Variants in LOXHD1 observed in about 807,000 individuals in gnomAD.
The protein encoded by LOXHD1 is lipoxygenase homology PLAT domains 1.
Under a neutral mutation model 248.2 loss-of-function variants are expected in LOXHD1, and 205 were observed. That is an observed-to-expected ratio of 0.83 (90% CI 0.74 to 0.93). LOXHD1 has a LOEUF of 0.93. Among genes scored for constraint, LOXHD1 ranks in the 40% least tolerant of loss-of-function variants. The probability of loss-of-function intolerance (pLI) is 0.00; values close to 1 mark genes in which losing one functional copy is unlikely to be tolerated. For synonymous variants in LOXHD1, 1,113 were observed against 1,162.8 expected (o/e 0.96, Z 0.87); for missense variants, 2,930 against 2,971.6 (o/e 0.99, Z 0.33).
At chr18:46,620,734 G>C (rs1316127095) in intron 4 of LOXHD1, among the ~76,000 whole-genome samples, 1 of 152,188 alleles carries the variant, frequency 6.6e-6, no homozygotes, top group East Asian at 1.9e-4. Flanking sequence ...AGAGGATGTG[G>C]AAACGCTAAA....
chr18:46,534,618 G>A (rs1461527418), intron 26 of LOXHD1, among the ~76,000 whole-genome samples, 167 bp from the exon 27 acceptor site: 1 of 152,086 alleles, frequency 6.6e-6, no homozygotes. Context: ...TGACACACAC[G>A]CCATGCTTAT....
At chr18:46,633,322 T>C (rs2038850800) in intron 4 of LOXHD1, among the ~76,000 whole-genome samples, 1 of 152,180 alleles carries the variant, frequency 6.6e-6, no homozygotes, top group African/African-American at 2.4e-5. Flanking sequence ...TAAACTATCA[T>C]ATATATAGTC....
intron 16 of LOXHD1, among the ~76,000 whole-genome samples, chr18:46,568,495 C>A (rs2037687369): frequency 6.6e-6 from 1 of 152,198 alleles, no homozygotes; most frequent in Non-Finnish European, 1.5e-5. Flanking sequence ...CCTAATCCCC[C>A]TTACTGTGCT....
At chr18:46,486,734 A>G (rs966244004) in intron 38 of LOXHD1, among the ~76,000 whole-genome samples, 1 of 152,182 alleles carries the variant, frequency 6.6e-6, no homozygotes, top group Admixed American at 6.5e-5. Flanking sequence ...TATCACCGTG[A>G]TGGACTCAAG....
chr18:46,502,403 A>G (rs1189908977), intron 37 of LOXHD1, among the ~76,000 whole-genome samples: 1 of 152,184 alleles, frequency 6.6e-6, no homozygotes, highest in Non-Finnish European at 1.5e-5. Context: ...TTTGGATAAG[A>G]TGGAGTTGCA....
chr18:46,592,726 TCA>T, intron 10 of LOXHD1, 142 bp from the exon 11 acceptor site: 1 of 694,714 alleles, frequency 1.4e-6, no homozygotes, highest in Non-Finnish European at 2.5e-6. Flanking sequence ...CAAGCCACCC[TCA>T]CATATTTTAT....
intron 7 of LOXHD1, among the ~76,000 whole-genome samples, chr18:46,603,847 C>A: frequency 6.6e-6 from 1 of 152,258 alleles, no homozygotes. Context: ...AGTTCACATT[C>A]TGGCTTCATC....
intron 29 of LOXHD1, among the ~76,000 whole-genome samples, chr18:46,527,308 C>T (rs1388433245): frequency 6.6e-6 from 1 of 152,196 alleles, no homozygotes; most frequent in Non-Finnish European, 1.5e-5. Flanking sequence ...CTGTACATTG[C>T]TGCTTTTACA....
At position 46,542,858 on chromosome 18, in the gene LOXHD1, G is replaced by A; in HGVS notation, c.3620-3C>T. 6.4e-7 allele frequency: 1 copy of A among 1,551,682 alleles called. No individual in the cohort carries two copies. The highest frequency in any genetic ancestry group is 8.7e-7 in the Non-Finnish European group (1 of 1,146,984). On this transcript the variant is annotated splice_region_variant and splice_polypyrimidine_tract_variant and intron_variant, in intron 23 of 40. Coordinates refer to ENST00000642948, the MANE Select transcript of LOXHD1 (RefSeq NM_001384474.1). ...GGAGGACTTCAGGAGGGTCATTCCT[G>A]TGGATCAGATGACCCCAGCATGACT...
At chr18:46,492,994 GCTC>G (rs1442068045) in intron 37 of LOXHD1, among the ~76,000 whole-genome samples, 12 of 152,004 alleles carry the variant, frequency 7.9e-5, no homozygotes, top group African/African-American at 2.4e-4. Flanking sequence ...TCCCCCAATG[GCTC>G]CTCATCACTG....
chr18:46,577,825 T>C lies in LOXHD1; in HGVS notation c.1852A>G (p.Arg618Gly). The C allele has an allele frequency of 9.0e-6, 14 of 1,551,622 alleles. No homozygotes were observed. Among genetic ancestry groups the C allele is most frequent in the South Asian group, 1.2e-5 (1 of 84,040 alleles). The change falls in exon 14 of 41, where the codon AGG becomes GGG. Residue 618 changes from arginine (R) to glycine (G), a missense_variant. Arg to Gly is a moderately radical substitution (Grantham distance 125). Coordinates refer to ENST00000642948, the MANE Select transcript of LOXHD1 (RefSeq NM_001384474.1). ...CCATCGTGTCTGATCCTCACCCGCC[T>C]CACATTCCGCATGGTGACAGACTCG... ...TIESVTMRNVRRVRIRHDGKG... is the reference protein window; with the variant it reads ...TIESVTMRNVGRVRIRHDGKG...
At chr18:46,530,508 C>A (rs1360433890) in intron 28 of LOXHD1, among the ~76,000 whole-genome samples, 1 of 152,118 alleles carries the variant, frequency 6.6e-6, no homozygotes, top group Non-Finnish European at 1.5e-5. Context: ...GCGAGCACAG[C>A]TGGGAGTGGC....
In LOXHD1 at chr18:46,542,751, C is replaced by A. The variant is rs1598958911; in HGVS notation, c.3724G>T (p.Val1242Phe). ...ETLDLGDLWK[V>F]RLGHDNTGKA... ...CCTGTGTTGTCATGGCCAAGCCGGA[C>A]TTTCCACAGGTCTCCCAGATCCAGC... The change falls in exon 24 of 41, where the codon GTC (valine) becomes TTC (phenylalanine). Residue 1242 changes from valine (V) to phenylalanine (F), a missense_variant. Transcript: ENST00000642948. 1 of 1,551,698 alleles carries A rather than the reference C, an allele frequency of 6.4e-7. No homozygotes were observed. The highest frequency in any genetic ancestry group is 8.7e-7 in the Non-Finnish European group (1 of 1,146,994).
chr18:46,505,446 G>T (rs1319664873), intron 37 of LOXHD1, among the ~76,000 whole-genome samples: 1 of 152,136 alleles, frequency 6.6e-6, no homozygotes, highest in Non-Finnish European at 1.5e-5. Context: ...GCCTCCCAAA[G>T]TTCTGGGATT....
chr18:46,509,934 C>A (rs2034856019), intron 34 of LOXHD1, 119 bp from the exon 35 acceptor site: 2 of 721,638 alleles, frequency 2.8e-6, no homozygotes, highest in Non-Finnish European at 4.9e-6. Context: ...ACTCAGCAGC[C>A]CCTCTGCTCT....
chr18:46,518,866 G>T, intron 33 of LOXHD1: 1 of 985,324 alleles, frequency 1.0e-6, no homozygotes, highest in South Asian at 4.7e-5. Context: ...GTGCCATCGG[G>T]AGTGATTCTT....
At chr18:46,530,410 A>G (rs942900168) in intron 28 of LOXHD1, among the ~76,000 whole-genome samples, 3 of 152,136 alleles carry the variant, frequency 2.0e-5, no homozygotes, top group Admixed American at 1.3e-4. Context: ...CCTTTTGACA[A>G]AGCCAGATTC....
At position 46,601,297 on chromosome 18, in the gene LOXHD1, C is replaced by T; in HGVS notation, c.1054G>A (p.Ala352Thr). 1 of 1,551,692 alleles carries T rather than the reference C, an allele frequency of 6.4e-7. No individual in the cohort carries two copies. The highest frequency in any genetic ancestry group is 8.7e-7 in the Non-Finnish European group (1 of 1,147,002). The change falls in exon 8 of 41, where the codon GCT (alanine) becomes ACT (threonine). Residue 352 changes from alanine (A) to threonine (T), a missense_variant. Ala to Thr is a moderately conservative substitution (Grantham distance 58). Coordinates refer to ENST00000642948, the MANE Select transcript of LOXHD1 (RefSeq NM_001384474.1). ...CGACTCAGGGGGCTAAGGAGGACAGCCAGCTCGATGTGGAAGATGTCCGTG... is the reference window on the plus strand; with the variant it reads ...CGACTCAGGGGGCTAAGGAGGACAGTCAGCTCGATGTGGAAGATGTCCGTG... Reference protein sequence around the residue: ...GRTDIFHIELAVLLSPLSRVS... With the variant: ...GRTDIFHIELTVLLSPLSRVS...
At chr18:46,656,528 T>A (rs879775760) in intron 1 of LOXHD1, among the ~76,000 whole-genome samples, 1 of 152,160 alleles carries the variant, frequency 6.6e-6, no homozygotes, top group Non-Finnish European at 1.5e-5. Flanking sequence ...AGACATCCTT[T>A]CATGACCCCA....
Sources: allele counts gnomAD v4.1 joint callset (sites outside exome capture counted in the v4.1 genomes callset), GRCh38; gene constraint gnomAD v4.1.1; transcripts MANE v1.5; gene names NCBI Gene and HGNC (gene_info 2026-07-23, HGNC 2026-07-21).